RHD: variants seen among roughly 807,000 people sequenced by gnomAD.
RHD encodes blood group Rh(D) polypeptide.
RHD carries 16 observed loss-of-function variants against 45.5 expected under a neutral mutation model. That is an observed-to-expected ratio of 0.35 (90% confidence interval 0.24 to 0.53). RHD has a LOEUF of 0.53. Ranked by LOEUF, RHD falls within the 20% of genes least tolerant of loss-of-function variation. The pLI is 0.92. For synonymous variants in RHD, 131 were observed against 217.5 expected, an observed-to-expected ratio of 0.60 and a Z score of 3.50; for missense variants, 306 against 532.0, an observed-to-expected ratio of 0.58 and a Z score of 4.18.
At chr1:25,301,319 T>C (rs1223669740) in intron 4 of RHD, among the ~76,000 whole-genome samples, 1 of 130,874 alleles carries the variant, frequency 7.6e-6, no homozygotes, top group Non-Finnish European at 1.8e-5. Flanking sequence ...TTCAACCCTC[T>C]TGGCCTTTGT....
rs1224780986 is a variant in RHD, at chr1:25,302,131, C to T, written c.801+445C>T. On this transcript the variant is annotated intron_variant, in intron 5 of 9. Coordinates refer to ENST00000328664, the MANE Select transcript of RHD (RefSeq NM_016124.6). ...TGTGGCTCTGGTCAAGCCACTTCAA[C>T]GTTTTGAGTCTCAGTGGCCTCATCT... Among the ~76,000 whole-genome samples the T allele has an allele frequency of 3.1e-5, 4 of 131,080 alleles. 2 individuals are homozygous for T. The highest frequency in any genetic ancestry group is 5.3e-5 in the African/African-American group (2 of 37,962). The allele number at this position is 131,080 out of a possible 152,430, so 86.0% of individuals were successfully genotyped here.
In RHD at chr1:25,289,632, C is replaced by T. The variant is rs1363972674; in HGVS notation, c.336-1009C>T. ...AACTCCCAGAGGGAGGAGGGAGTCTCAGAGCAAGCTGCTCAGGGGAGACTG... is the reference window on the plus strand; with the variant it reads ...AACTCCCAGAGGGAGGAGGGAGTCTTAGAGCAAGCTGCTCAGGGGAGACTG... On this transcript the variant is annotated intron_variant, in intron 2 of 9. Coordinates refer to ENST00000328664, the MANE Select transcript of RHD (RefSeq NM_016124.6). 1.9e-4 allele frequency among the ~76,000 whole-genome samples: 24 copies of T among 125,142 alleles called. 3 individuals carry two copies. The highest frequency in any genetic ancestry group is 4.3e-3 in the Middle Eastern group (1 of 232). The allele number at this position is 125,142 out of a possible 152,430, so 82.1% of individuals were successfully genotyped here.
Position 25,320,792 on chromosome 1 carries a change from A to G in RHD, c.1154-1097A>G. ...CACAGTGGCTCACACCTGTAATCGC[A>G]GCCATTTAGAAGGCAAAGGCGGGCA... On this transcript the variant is annotated intron_variant, in intron 8 of 9. Coordinates refer to ENST00000328664, the MANE Select transcript of RHD (RefSeq NM_016124.6). 1.5e-5 allele frequency among the ~76,000 whole-genome samples: 2 copies of G among 131,936 alleles called. 1 individual carries two copies. Among genetic ancestry groups the G allele is most frequent in the Non-Finnish European group, 3.6e-5 (2 of 55,698 alleles). 86.6% of individuals were successfully genotyped at this position (131,936 alleles called of 152,430 possible).
At chr1:25,312,954 A>AAC (rs1644243939) in intron 7 of RHD, among the ~76,000 whole-genome samples, 1 of 110,990 alleles carries the variant, frequency 9.0e-6, no homozygotes, top group Non-Finnish European at 2.1e-5. Context: ...AAAAAAAAAA[A>AAC]ACTTTAGTGC....
In RHD at chr1:25,282,056, A is replaced by T. The variant is rs1419653930; in HGVS notation, c.149-2517A>T. Among the ~76,000 whole-genome samples the T allele has an allele frequency of 1.5e-5, 2 of 131,766 alleles. 1 individual carries two copies. Among genetic ancestry groups the T allele is most frequent in the Admixed American group, 1.5e-4 (2 of 13,506 alleles). 86.4% of individuals were successfully genotyped at this position (131,766 alleles called of 152,430 possible). On this transcript the variant is annotated intron_variant, in intron 1 of 9. Transcript: ENST00000328664. ...GATTGTCATGATGATGTTGATGAAC[A>T]GTCACTATTTATTGAGCGTTCTCCA...
intron 7 of RHD, chr1:25,307,760 G>C: frequency 7.7e-7 from 1 of 1,305,898 alleles, no homozygotes. Flanking sequence ...ACCGGTTCTT[G>C]GATGCCTTCT....
chr1:25,306,717 C>A lies in RHD; in HGVS notation c.1061C>A (p.Ala354Asp), dbSNP rs756982993. Residue 354 changes from alanine to aspartate, a missense_variant, in exon 7 of 10, where the codon GCC becomes GAC. Ala to Asp is a moderately radical substitution (Grantham distance 126, BLOSUM62 -2). Transcript: ENST00000328664. ...CTGCTGGTGCTTGATACCGTCGGAG[C>A]CGGCAATGGCATGTGGGTCACTGGG... ...IVLLVLDTVG[A>D]GNGMIGFQVL... 122 of 1,377,432 alleles carry A rather than the reference C, an allele frequency of 8.9e-5. 21 individuals are homozygous for A. The highest frequency in any genetic ancestry group is 5.6e-4 in the African/African-American group (39 of 69,970). 85.3% of individuals were successfully genotyped at this position (1,377,432 alleles called of 1,614,324 possible). A position where few individuals can be genotyped will look rare whatever the true frequency, so the allele number is the denominator to read the frequency against.
rs376964343 is a variant in RHD, at chr1:25,298,720, G to C, written c.487-2226G>C. Among the ~76,000 whole-genome samples, 10 of 131,442 alleles carry C rather than the reference G, an allele frequency of 7.6e-5. 4 individuals carry two copies. Among genetic ancestry groups the C allele is most frequent in the East Asian group, 5.9e-4 (3 of 5,110 alleles). 86.2% of individuals were successfully genotyped at this position (131,442 alleles called of 152,430 possible). A position where few individuals can be genotyped will look rare whatever the true frequency, so the allele number is the denominator to read the frequency against. On this transcript the variant is annotated intron_variant, in intron 3 of 9. Coordinates refer to ENST00000328664, the MANE Select transcript of RHD (RefSeq NM_016124.6). The stretch of plus-strand genomic sequence containing the variant: ...TATTTGGTATTTACTATATACCAGG[G>C]ACTCTTGTGGCAGTGGAAAATACAA...
rs1169065970 is a variant in RHD at position 25,295,853 on chromosome 1, T to TTTTTG, written c.486+5066_486+5067insGTTTT. On this transcript the variant is annotated intron_variant, in intron 3 of 9. Transcript: ENST00000328664. ...GGTCTGGGAGGGAATATGGGAAATT[T>TTTTTG]TTTTTTTTTTTTTTTTTTTTTTTTT... Among the ~76,000 whole-genome samples, 3 of 40,240 alleles carry TTTTTG rather than the reference T, an allele frequency of 7.5e-5. 1 individual carries two copies. 26.4% of individuals were successfully genotyped at this position (40,240 alleles called of 152,430 possible).
In RHD at chr1:25,281,447, A is replaced by C. The variant is rs1419063872; in HGVS notation, c.149-3126A>C. Among the ~76,000 whole-genome samples the C allele has an allele frequency of 1.5e-5, 2 of 132,214 alleles. 1 individual carries two copies. The highest frequency in any genetic ancestry group is 3.6e-5 in the Non-Finnish European group (2 of 55,934). The allele number at this position is 132,214 out of a possible 152,430, so 86.7% of individuals were successfully genotyped here. A position where few individuals can be genotyped will look rare whatever the true frequency, so the allele number is the denominator to read the frequency against. On this transcript the variant is annotated intron_variant, in intron 1 of 9. Transcript: ENST00000328664. Reference sequence around the variant, plus strand: ...TGGGCCCTATGCATATAGCATTGCTACAAAATGGCAGATGCACTTTAACAA... The same window carrying C: ...TGGGCCCTATGCATATAGCATTGCTCCAAAATGGCAGATGCACTTTAACAA...
chr1:25,289,576 C>T (rs28417908), intron 2 of RHD, among the ~76,000 whole-genome samples: 5,651 of 128,086 alleles, frequency 0.044, 839 homozygotes, highest in African/African-American at 0.14. Flanking sequence ...ATTATCATCA[C>T]TGTTGCTGTG....
chr1:25,276,124 A>C lies in RHD; in HGVS notation c.148+3429A>C, dbSNP rs1330193250. 1.5e-5 allele frequency among the ~76,000 whole-genome samples: 2 copies of C among 132,050 alleles called. 1 individual carries two copies. Among genetic ancestry groups the C allele is most frequent in the Non-Finnish European group, 3.6e-5 (2 of 55,930 alleles). 86.6% of individuals were successfully genotyped at this position (132,050 alleles called of 152,430 possible). On this transcript the variant is annotated intron_variant, in intron 1 of 9. Transcript: ENST00000328664. Reference sequence around the variant, plus strand: ...GACAATCAGGAAATCTGAATATAGCATGAATATCTTACGATATACAAGGAT... The same window carrying C: ...GACAATCAGGAAATCTGAATATAGCCTGAATATCTTACGATATACAAGGAT...
In RHD at chr1:25,278,903, C is replaced by T. The variant is rs1243800038; in HGVS notation, c.149-5670C>T. ...AGGCTGTGGGCGAGGAGGTGGCGGCCTCCTGAGGCTGCAGTGGTCTTTCCA... is the reference window on the plus strand; with the variant it reads ...AGGCTGTGGGCGAGGAGGTGGCGGCTTCCTGAGGCTGCAGTGGTCTTTCCA... On this transcript the variant is annotated intron_variant, in intron 1 of 9. Coordinates refer to ENST00000328664, the MANE Select transcript of RHD (RefSeq NM_016124.6). Among the ~76,000 whole-genome samples the T allele has an allele frequency of 3.1e-5, 4 of 128,648 alleles. 2 individuals are homozygous for T. Among genetic ancestry groups the T allele is most frequent in the African/African-American group, 5.4e-5 (2 of 37,370 alleles). 84.4% of individuals were successfully genotyped at this position (128,648 alleles called of 152,430 possible).
chr1:25,320,866 G>A (rs561866828), intron 8 of RHD, among the ~76,000 whole-genome samples: 2 of 130,198 alleles, frequency 1.5e-5, no homozygotes, highest in African/African-American at 2.6e-5. Context: ...ACATGGCTAA[G>A]TCCTGTCTCT....
chr1:25,293,605 T>C (rs887378302), intron 3 of RHD, among the ~76,000 whole-genome samples: 5 of 131,264 alleles, frequency 3.8e-5, no homozygotes, highest in African/African-American at 1.3e-4. Flanking sequence ...CTCCAAGCGT[T>C]TCTTCCTAGG....
chr1:25,301,613 A>G lies in RHD; in HGVS notation c.728A>G (p.Tyr243Cys), dbSNP rs773371990. Residue 243 changes from tyrosine to cysteine, a missense_variant, in exon 5 of 10, where the codon TAT (tyrosine) becomes TGT (cysteine). Transcript: ENST00000328664. ...AAGAATGCCGTGTTCAACACCTACT[A>G]TGCTGTAGCAGTCAGCGTGGTGACA... ...ERKNAVFNTY[Y>C]AVAVSVVTAI... is the part of the protein sequence containing the mutation. 1.4e-6 allele frequency: 2 copies of G among 1,379,642 alleles called. No individual in the cohort carries two copies. Among genetic ancestry groups the G allele is most frequent in the Admixed American group, 1.8e-5 (1 of 56,484 alleles). 85.5% of individuals were successfully genotyped at this position (1,379,642 alleles called of 1,614,324 possible).
intron 8 of RHD, among the ~76,000 whole-genome samples, chr1:25,320,462 G>C (rs181265061): frequency 7.7e-6 from 1 of 129,248 alleles, no homozygotes; most frequent in African/African-American, 2.8e-5. Flanking sequence ...GCCAGAGATC[G>C]TTACTGAGTA....
intron 8 of RHD, among the ~76,000 whole-genome samples, chr1:25,321,587 T>G (rs1214963821): frequency 2.4e-5 from 3 of 125,442 alleles, no homozygotes; most frequent in Non-Finnish European, 5.6e-5. Flanking sequence ...GGATAATCGC[T>G]TGAACCTGGG....
Position 25,279,961 on chromosome 1 carries a change from C to T in RHD, c.149-4612C>T, listed in dbSNP as rs1641329646. Among the ~76,000 whole-genome samples, 2 of 128,940 alleles carry T rather than the reference C, an allele frequency of 1.6e-5. 1 individual carries two copies. Among genetic ancestry groups the T allele is most frequent in the African/African-American group, 5.4e-5 (2 of 36,898 alleles). The allele number at this position is 128,940 out of a possible 152,430, so 84.6% of individuals were successfully genotyped here. Reference sequence around the variant, plus strand: ...GTGGAGGCTGATACCAGTGAGGATGCTCCAAGCTGGGACCCAGCCCTGAAG... The same window carrying T: ...GTGGAGGCTGATACCAGTGAGGATGTTCCAAGCTGGGACCCAGCCCTGAAG... On this transcript the variant is annotated intron_variant, in intron 1 of 9. Transcript: ENST00000328664.
Sources: gnomAD v4.1 joint callset for allele counts (sites outside exome capture counted in the v4.1 genomes callset) on GRCh38, gnomAD v4.1.1 for gene constraint, MANE v1.5 for transcripts, NCBI Gene and HGNC (gene_info 2026-07-23, HGNC 2026-07-21) for gene names.